ATP2B4: variants seen among roughly 807,000 people sequenced by gnomAD.
ATP2B4 encodes the protein plasma membrane calcium-transporting ATPase 4.
In ATP2B4, 39 loss-of-function variants were observed where a neutral mutation model predicts 110.3. The ratio of observed to expected loss-of-function variants is 0.35; its 90% CI spans 0.27 to 0.46. ATP2B4 has a LOEUF of 0.46. ATP2B4 is among the 20% of genes least tolerant of loss of function. The pLI, the probability that ATP2B4 is intolerant of heterozygous loss-of-function variation, is 1.00. For missense variants in ATP2B4, 1,135 were observed against 1,530.9 expected (o/e 0.74, Z 4.32); for synonymous variants, 538 against 571.7 (o/e 0.94, Z 0.84).
At chr1:203,726,163 G>A (rs1362298993) in intron 19 of ATP2B4, among the ~76,000 whole-genome samples, 1 of 151,844 alleles carries the variant, frequency 6.6e-6, no homozygotes. Flanking sequence ...TTGAACCCGG[G>A]AGGCGGAGTG....
chr1:203,728,559 T>C (rs1666591579), intron 20 of ATP2B4, among the ~76,000 whole-genome samples: 1 of 152,182 alleles, frequency 6.6e-6, no homozygotes, highest in Admixed American at 6.5e-5. Context: ...GCAAATGTTT[T>C]AGAAAGTTCC....
At chr1:203,710,856 T>A (rs1450487403) in intron 11 of ATP2B4, 21 bp from the exon 12 acceptor site, 1 of 1,568,270 alleles carries the variant, frequency 6.4e-7, no homozygotes, top group Admixed American at 1.7e-5. Context: ...GACACCGCGT[T>A]CTTACTGTGC....
rs1270010657 is a variant in ATP2B4 at position 203,686,676 on chromosome 1, CT to C, written c.193+3282del. On this transcript the variant is annotated intron_variant, in intron 2 of 20. Transcript: ENST00000357681. ...AATATGTGTCCTGGTGTTTTTCTTT[CT>C]TTTCTTTCTTTTTTTTTTTTTTTTT... 2.4e-3 allele frequency among the ~76,000 whole-genome samples: 128 copies of C among 52,292 alleles called. 4 individuals carry two copies. The East Asian group carries it at 0.081, about 33-fold the overall frequency. The allele number at this position is 52,292 out of a possible 152,430, so 34.3% of individuals were successfully genotyped here. A position where few individuals can be genotyped will look rare whatever the true frequency, so the allele number is the denominator to read the frequency against.
chr1:203,671,175 C>A (rs959247334), intron 1 of ATP2B4, among the ~76,000 whole-genome samples: 6 of 152,174 alleles, frequency 3.9e-5, no homozygotes, highest in African/African-American at 1.4e-4. Flanking sequence ...CTTTCTCTTA[C>A]TCACATGTTG....
At chr1:203,677,858 C>T (rs1420904916) in intron 1 of ATP2B4, among the ~76,000 whole-genome samples, 4 of 152,216 alleles carry the variant, frequency 2.6e-5, no homozygotes, top group Non-Finnish European at 5.9e-5. Context: ...CTCATCAAGT[C>T]CTGCCTGGCA....
At chr1:203,730,338 G>A (rs1666666770) in intron 20 of ATP2B4, among the ~76,000 whole-genome samples, 1 of 151,576 alleles carries the variant, frequency 6.6e-6, no homozygotes, top group South Asian at 2.1e-4. Context: ...AAAATTTCCA[G>A]CGGGACCTAC....
In ATP2B4 at chr1:203,740,216, T is replaced by G. The variant is rs1666970307; in HGVS notation, c.*362T>G. 4.6e-6 allele frequency: 1 copy of G among 216,658 alleles called. No homozygotes were observed. The highest frequency in any genetic ancestry group is 9.3e-6 in the Non-Finnish European group (1 of 107,896). The allele number at this position is 216,658 out of a possible 1,614,324, so 13.4% of individuals were successfully genotyped here. On this transcript the variant is annotated 3_prime_UTR_variant, in exon 21 of 21. Transcript: ENST00000357681. ...AATTCTGGATTTTGTCCTACAAGTC[T>G]GTGCCATTTATAAGCTAAGTTGAGG...
At chr1:203,702,213 G>A in intron 7 of ATP2B4, 134 bp downstream of exon 7, 1 of 1,177,552 alleles carries the variant, frequency 8.5e-7, no homozygotes. Context: ...GCCTCATCCT[G>A]AGGAAGGTGC....
At chr1:203,713,376 G>T in intron 14 of ATP2B4, 124 bp downstream of exon 14, 2 of 941,822 alleles carry the variant, frequency 2.1e-6, no homozygotes, top group South Asian at 1.5e-5. Flanking sequence ...GAGCTCCCAG[G>T]CTAGTGGGGA....
At chr1:203,679,894 C>CAA in intron 1 of ATP2B4, among the ~76,000 whole-genome samples, 1 of 149,980 alleles carries the variant, frequency 6.7e-6, no homozygotes, top group South Asian at 2.1e-4. Flanking sequence ...AACAAACAAA[C>CAA]AAAAAAAACA....
chr1:203,657,251 A>G, intron 1 of ATP2B4: 1 of 715,326 alleles, frequency 1.4e-6, no homozygotes, highest in Non-Finnish European at 2.5e-6. Flanking sequence ...TTTCTTATTT[A>G]GGTGGTTTTC....
rs756184004 is a variant in ATP2B4 at position 203,725,904 on chromosome 1, C to CT, written c.3133-1469dup. 7.8e-3 allele frequency among the ~76,000 whole-genome samples: 730 copies of CT among 93,354 alleles called. 10 individuals carry two copies. The highest frequency in any genetic ancestry group is 0.036 in the East Asian group (113 of 3,102). The allele number at this position is 93,354 out of a possible 152,430, so 61.2% of individuals were successfully genotyped here. On this transcript the variant is annotated intron_variant, in intron 19 of 20. Transcript: ENST00000357681. ...ATTTCTTTTTCTTTTCTTTTCTTTT[C>CT]TTTTTTTTTTTTTTTTTTTTTTAAG...
Position 203,739,638 on chromosome 1 carries a change from T to C in ATP2B4, c.3402T>C (p.Pro1134=), listed in dbSNP as rs986817139. Residue 1134 remains proline, a synonymous_variant, in exon 21 of 21, where the codon CCT becomes CCC. Coordinates refer to ENST00000357681, the MANE Select transcript of ATP2B4 (RefSeq NM_001684.5). ...QKSIHSFMTH[P]EFAIEEELPR... ...CCATCCACAGCTTCATGACCCACCC[T>C]GAATTCGCCATAGAGGAGGAGTTGC... The C allele has an allele frequency of 6.2e-7, 1 of 1,614,168 alleles. No homozygotes were observed. Among genetic ancestry groups the C allele is most frequent in the East Asian group, 2.2e-5 (1 of 44,884 alleles).
intron 1 of ATP2B4, among the ~76,000 whole-genome samples, chr1:203,654,887 GAAAA>G (rs1161772363): frequency 2.7e-5 from 2 of 74,720 alleles, no homozygotes; most frequent in Admixed American, 1.7e-4. Context: ...ACCTCGTCTG[GAAAA>G]AAAAAAAAAA....
rs1665892211 is a variant in ATP2B4 at position 203,707,780 on chromosome 1, T to C, written c.1315-82T>C. On this transcript the variant is annotated intron_variant, in intron 9 of 20. Coordinates refer to ENST00000357681, the MANE Select transcript of ATP2B4 (RefSeq NM_001684.5). ...CTGGAAGATGAAATGTGGAGAGATGTTGGCTAGGAAATGGCCTTTGACCTA... is the reference window on the plus strand; with the variant it reads ...CTGGAAGATGAAATGTGGAGAGATGCTGGCTAGGAAATGGCCTTTGACCTA... 3.2e-6 allele frequency: 5 copies of C among 1,548,336 alleles called. No individual in the cohort carries two copies. In the Admixed American group the frequency reaches 6.9e-5, roughly 21 times the overall value.
Position 203,739,692 on chromosome 1 carries a change from G to A in ATP2B4, c.3456G>A (p.Glu1152=), listed in dbSNP as rs747772369. 1.4e-4 allele frequency: 221 copies of A among 1,614,184 alleles called. 3 individuals carry two copies. In the East Asian group the frequency reaches 4.8e-3, roughly 35 times the overall value. ...LPRTPLLDEE[E]EENPDKASKF... ...GAACACCACTCCTGGATGAGGAAGA[G>A]GAGGAAAATCCTGACAAGGCTTCTA... The change falls in exon 21 of 21, where the codon GAG becomes GAA. Residue 1152 remains glutamate (E), a synonymous_variant. Transcript: ENST00000357681.
chr1:203,694,377 T>C (rs1665471837), intron 2 of ATP2B4, among the ~76,000 whole-genome samples: 1 of 151,856 alleles, frequency 6.6e-6, no homozygotes, highest in Admixed American at 6.6e-5. Flanking sequence ...GGATCAAGAG[T>C]GCCAGGTAAA....
At position 203,720,547 on chromosome 1, in the gene ATP2B4, A is replaced by C; in HGVS notation, c.2407-2A>C. 2 of 1,598,642 alleles carry C rather than the reference A, an allele frequency of 1.3e-6. No homozygotes were observed. The highest frequency in any genetic ancestry group is 1.7e-6 in the Non-Finnish European group (2 of 1,171,636). The stretch of plus-strand genomic sequence containing the variant: ...ACTGTTTTCCCTCCCATCTTACCTC[A>C]GGGCATCGCAGGCACAGATGTAGCA... On this transcript the variant is annotated splice_acceptor_variant, in intron 15 of 20. Coordinates refer to ENST00000357681, the MANE Select transcript of ATP2B4 (RefSeq NM_001684.5). LOFTEE classifies it high-confidence loss of function.
At chr1:203,638,887 G>C (rs1464503056) in intron 1 of ATP2B4, among the ~76,000 whole-genome samples, 1 of 152,182 alleles carries the variant, frequency 6.6e-6, no homozygotes. Flanking sequence ...TTAGCACACA[G>C]AAAATGCAAA....
Sources: allele counts gnomAD v4.1 joint callset (sites outside exome capture counted in the v4.1 genomes callset), GRCh38; gene constraint gnomAD v4.1.1; transcripts MANE v1.5; gene names NCBI Gene and HGNC (gene_info 2026-07-23, HGNC 2026-07-21).